The following CPLANE1 variants were observed in gnomAD, a reference collection of about 807,000 sequenced individuals.
CPLANE1 encodes the protein ciliogenesis and planar polarity effector 1.
Under a neutral mutation model 362.5 loss-of-function variants are expected in CPLANE1, and 263 were observed. The observed-to-expected ratio is 0.73, with a 90% CI of 0.66 to 0.80. CPLANE1 has a LOEUF of 0.80. Ranked by LOEUF, CPLANE1 falls within the 30% of genes least tolerant of loss-of-function variation. The pLI is 0.00. For synonymous variants in CPLANE1, 1,212 were observed against 1,302.6 expected (o/e 0.93, Z 1.50); for missense variants, 3,461 against 3,793.4 (o/e 0.91, Z 2.30).
the CPLANE1 span, among the ~76,000 whole-genome samples, chr5:37,093,442 G>A: frequency 1.3e-5 from 2 of 152,198 alleles, no homozygotes; most frequent in Admixed American, 1.3e-4. Context: ...CAACACCTCT[G>A]GGGAATTTAA....
rs770788222 is a variant in CPLANE1, at chr5:37,148,299, A to C, written c.8374-31T>G. 3 of 1,415,072 alleles carry C rather than the reference A, an allele frequency of 2.1e-6. No homozygotes were observed. In the South Asian group the frequency reaches 3.8e-5, roughly 18 times the overall value. The allele number at this position is 1,415,072 out of a possible 1,614,324, so 87.7% of individuals were successfully genotyped here. Reference sequence around the variant, plus strand: ...GAAAAAACACACACAACAAAACAACAGTAATACTTTGATAATTTCAAAATA... The same window carrying C: ...GAAAAAACACACACAACAAAACAACCGTAATACTTTGATAATTTCAAAATA... On this transcript the variant is annotated intron_variant, in intron 42 of 52. Coordinates refer to ENST00000651892, the MANE Select transcript of CPLANE1 (RefSeq NM_001384732.1).
At chr5:37,243,143 T>A in intron 5 of CPLANE1, 24 bp from the exon 6 acceptor site, 1 of 1,284,202 alleles carries the variant, frequency 7.8e-7, no homozygotes, top group Non-Finnish European at 1.1e-6. Context: ...TAATATACTT[T>A]AGTATAAAAT....
intron 48 of CPLANE1, 23 bp downstream of exon 48, chr5:37,122,407 A>T: frequency 6.3e-7 from 1 of 1,599,554 alleles, no homozygotes; most frequent in Non-Finnish European, 8.6e-7. Context: ...GAGAAAACAC[A>T]GGGTTACAGC....
chr5:37,235,567 CTTTTTT>C (rs546612161), intron 8 of CPLANE1, among the ~76,000 whole-genome samples: 3 of 93,362 alleles, frequency 3.2e-5, no homozygotes, highest in Non-Finnish European at 5.9e-5. Flanking sequence ...TATCTAATTT[CTTTTTT>C]TTTTTTTTTT....
intron 46 of CPLANE1, among the ~76,000 whole-genome samples, chr5:37,128,928 C>T (rs567348024): frequency 2.0e-5 from 3 of 151,748 alleles, no homozygotes; most frequent in African/African-American, 7.2e-5. Context: ...CATATGGAAC[C>T]AAAAAAGAGC....
At chr5:37,154,182 C>A (rs753306576) in intron 41 of CPLANE1, among the ~76,000 whole-genome samples, 189 bp from the exon 42 acceptor site, 18 of 152,136 alleles carry the variant, frequency 1.2e-4, no homozygotes, top group Non-Finnish European at 2.6e-4. Flanking sequence ...TAAATTACTA[C>A]AACAAAGTTC....
intron 21 of CPLANE1, among the ~76,000 whole-genome samples, chr5:37,190,951 T>G (rs1785370404): frequency 1.3e-5 from 2 of 152,240 alleles, no homozygotes; most frequent in African/African-American, 2.4e-5. Context: ...ACTATGCTTT[T>G]TATCGTTATT....
At chr5:37,210,462 C>T (rs970119178) in intron 16 of CPLANE1, 12 of 1,085,608 alleles carry the variant, frequency 1.1e-5, no homozygotes, top group Admixed American at 9.2e-5. Flanking sequence ...TAGAACTAAT[C>T]GACTGATTGA....
chr5:37,086,840 G>A, the CPLANE1 span, among the ~76,000 whole-genome samples: 49 of 152,148 alleles, frequency 3.2e-4, no homozygotes, highest in Admixed American at 3.1e-3. Context: ...TTCATCTGTC[G>A]TTAAGTCAGG....
At chr5:37,174,533 T>C (rs553407787) in intron 31 of CPLANE1, among the ~76,000 whole-genome samples, 1 of 151,640 alleles carries the variant, frequency 6.6e-6, no homozygotes, top group South Asian at 2.1e-4. Context: ...TATTTACAAA[T>C]AAAAATTAAG....
intron 16 of CPLANE1, chr5:37,210,276 CAA>C (rs1295976576): frequency 6.3e-7 from 1 of 1,599,654 alleles, no homozygotes; most frequent in Non-Finnish European, 8.6e-7. Flanking sequence ...AGAGCTGAAG[CAA>C]AGAGTTGAAG....
chr5:37,192,870 A>AC (rs1276701760), intron 21 of CPLANE1, among the ~76,000 whole-genome samples: 1 of 144,962 alleles, frequency 6.9e-6, no homozygotes, highest in African/African-American at 2.6e-5. Flanking sequence ...AAAAAAAAAA[A>AC]ACAAATACCT....
the CPLANE1 span, among the ~76,000 whole-genome samples, chr5:37,088,794 C>T: frequency 1.3e-5 from 2 of 152,072 alleles, no homozygotes; most frequent in Admixed American, 6.6e-5. Flanking sequence ...AGGGTTGCAA[C>T]CGGGATCTGG....
chr5:37,094,443 G>A, the CPLANE1 span, among the ~76,000 whole-genome samples: 5 of 152,184 alleles, frequency 3.3e-5, no homozygotes, highest in Admixed American at 2.6e-4. Flanking sequence ...GCAGTGCTAA[G>A]AGGAAAGTTC....
chr5:37,202,597 T>A (rs1165770534), intron 18 of CPLANE1, among the ~76,000 whole-genome samples: 2 of 152,170 alleles, frequency 1.3e-5, no homozygotes, highest in East Asian at 3.8e-4. Context: ...TGTGCACATG[T>A]CCCAAAAGGC....
Position 37,165,690 on chromosome 5 carries a change from TAA to T in CPLANE1, c.7401-21_7401-20del. The T allele has an allele frequency of 6.3e-7, 1 of 1,582,490 alleles. No homozygotes were observed. Among genetic ancestry groups the T allele is most frequent in the South Asian group, 1.2e-5 (1 of 84,340 alleles). On this transcript the variant is annotated intron_variant, in intron 35 of 52. Coordinates refer to ENST00000651892, the MANE Select transcript of CPLANE1 (RefSeq NM_001384732.1). The stretch of plus-strand genomic sequence containing the variant: ...TCTTTGCCTGTTAAACATAATAGCA[TAA>T]AACATACTTTTACAACTATAGCAAC...
At chr5:37,152,717 C>T (rs1161775862) in intron 42 of CPLANE1, among the ~76,000 whole-genome samples, 2 of 152,034 alleles carry the variant, frequency 1.3e-5, no homozygotes, top group African/African-American at 4.8e-5. Context: ...GAGAACTCGT[C>T]TCCACAAAAA....
intron 17 of CPLANE1, 93 bp downstream of exon 17, chr5:37,206,104 G>T: frequency 1.2e-6 from 1 of 867,030 alleles, no homozygotes; most frequent in Non-Finnish European, 1.8e-6. Flanking sequence ...CTGAACTAAG[G>T]ATTCCACATA....
intron 21 of CPLANE1, 42 bp downstream of exon 21, chr5:37,195,816 C>CCA: frequency 6.4e-7 from 1 of 1,566,550 alleles, no homozygotes; most frequent in African/African-American, 1.4e-5. Flanking sequence ...GAAAAATATA[C>CCA]CATCATTCAT....
Sources: gnomAD v4.1 joint callset for allele counts (sites outside exome capture counted in the v4.1 genomes callset) on GRCh38, gnomAD v4.1.1 for gene constraint, MANE v1.5 for transcripts, NCBI Gene and HGNC (gene_info 2026-07-23, HGNC 2026-07-21) for gene names.